The following FGD5 variants were observed in gnomAD, a reference collection of about 807,000 sequenced individuals.
FGD5 encodes the protein FYVE, RhoGEF and PH domain-containing protein 5.
FGD5 carries 28 observed loss-of-function variants against 133.4 expected under a neutral mutation model. The ratio of observed to expected loss-of-function variants is 0.21; its 90% confidence interval spans 0.16 to 0.29. The LOEUF (loss-of-function observed/expected upper bound fraction) is 0.29. FGD5 is among the 10% of genes least tolerant of loss of function. The pLI, the probability that FGD5 is intolerant of heterozygous loss-of-function variation, is 1.00. For missense variants in FGD5, 1,858 were observed against 1,895.2 expected (o/e 0.98, Z 0.36); for synonymous variants, 810 against 776.5 (o/e 1.04, Z -0.72).
At chr3:14,846,136 T>C (rs1689525) in intron 1 of FGD5, among the ~76,000 whole-genome samples, 100,564 of 152,112 alleles carry the variant, frequency 0.66, 33,555 homozygotes, top group African/African-American at 0.74. Context: ...GGGGCACACC[T>C]GTCGTGTTAA....
intron 9 of FGD5, among the ~76,000 whole-genome samples, chr3:14,905,233 AG>A (rs1392843587): frequency 2.0e-5 from 3 of 152,114 alleles, no homozygotes; most frequent in African/African-American, 7.2e-5. Flanking sequence ...TCTGGTGGAA[AG>A]TCTGCTGTGA....
intron 1 of FGD5, among the ~76,000 whole-genome samples, chr3:14,812,444 T>TG (rs1443312438): frequency 6.6e-6 from 1 of 152,254 alleles, no homozygotes; most frequent in African/African-American, 2.4e-5. Context: ...GCATGAGGCT[T>TG]GGGCAGACCC....
Position 14,869,976 on chromosome 3 carries a change from T to C in FGD5, c.2658+5716T>C, listed in dbSNP as rs1319083846. Reference sequence around the variant, plus strand: ...GCCCTGAAGTGGGATTGCTGTATTATATGGCGATTCTGTGTTTAGTTTTTT... The same window carrying C: ...GCCCTGAAGTGGGATTGCTGTATTACATGGCGATTCTGTGTTTAGTTTTTT... On this transcript the variant is annotated intron_variant, in intron 2 of 19. Transcript: ENST00000285046. Among the ~76,000 whole-genome samples, 3 of 152,384 alleles carry C rather than the reference T, an allele frequency of 2.0e-5. No homozygotes were observed. In the East Asian group the frequency reaches 5.8e-4, roughly 29 times the overall value.
chr3:14,919,371 C>A (rs1277951515), intron 13 of FGD5, among the ~76,000 whole-genome samples: 1 of 152,202 alleles, frequency 6.6e-6, no homozygotes, highest in African/African-American at 2.4e-5. Context: ...GTAATCCCAG[C>A]CCTTTGGGAG....
At chr3:14,821,799 A>C (rs2036509589) in intron 1 of FGD5, among the ~76,000 whole-genome samples, 1 of 152,108 alleles carries the variant, frequency 6.6e-6, no homozygotes, top group African/African-American at 2.4e-5. Flanking sequence ...CATGGTAGAG[A>C]GTTTAAGAAA....
chr3:14,821,375 C>T lies in FGD5; in HGVS notation c.2304C>T (p.Ser768=), dbSNP rs756502739. 18 of 1,613,888 alleles carry T rather than the reference C, an allele frequency of 1.1e-5. No homozygotes were observed. The highest frequency in any genetic ancestry group is 5.3e-5 in the African/African-American group (4 of 74,922). The stretch of plus-strand genomic sequence containing the variant: ...AGCCACGGTCCATCTCCTTCCCCAG[C>T]GCTGACACTTCAGACTATGAGAACA... ...LTKPRSISFP[S]ADTSDYENIP... Residue 768 remains serine (S), a synonymous_variant, in exon 1 of 20, where the codon AGC becomes AGT. Coordinates refer to ENST00000285046, the MANE Select transcript of FGD5 (RefSeq NM_152536.4).
intron 1 of FGD5, among the ~76,000 whole-genome samples, chr3:14,812,002 GT>G (rs1559463438): frequency 1.1e-4 from 7 of 65,348 alleles, no homozygotes; most frequent in African/African-American, 2.7e-4. Context: ...TATCCTGCTG[GT>G]GTGTGTGTGT....
At chr3:14,915,407 C>T (rs1169273955) in intron 11 of FGD5, among the ~76,000 whole-genome samples, 2 of 152,248 alleles carry the variant, frequency 1.3e-5, no homozygotes, top group East Asian at 1.9e-4. Flanking sequence ...TTATGTTTTC[C>T]TCCATGCCTG....
rs925309997 is a variant in FGD5 at position 14,897,683 on chromosome 3, G to A, written c.2909+14G>A. ...GCTGTCAAATTGGTGAGCAGTCCCT[G>A]GACCCCCGGGTTCCACTTTTGTTGC... On this transcript the variant is annotated intron_variant, in intron 5 of 19. Coordinates refer to ENST00000285046, the MANE Select transcript of FGD5 (RefSeq NM_152536.4). 7.5e-6 allele frequency: 12 copies of A among 1,589,444 alleles called. No homozygotes were observed. The Admixed American group carries it at 1.6e-4, about 22-fold the overall frequency.
At chr3:14,842,981 A>T (rs115479746) in intron 1 of FGD5, among the ~76,000 whole-genome samples, 1 of 152,206 alleles carries the variant, frequency 6.6e-6, no homozygotes, top group Non-Finnish European at 1.5e-5. Flanking sequence ...CTCACTGTTG[A>T]AATAGAAAAC....
At chr3:14,845,408 C>G (rs1227127568) in intron 1 of FGD5, among the ~76,000 whole-genome samples, 2 of 152,212 alleles carry the variant, frequency 1.3e-5, no homozygotes, top group Non-Finnish European at 2.9e-5. Flanking sequence ...CCAGATGCTT[C>G]AGTTCTCAAT....
In FGD5 at chr3:14,860,229, TGTC is replaced by T. The variant is rs1463343312; in HGVS notation, c.2526-3896_2526-3894del. 4.6e-5 allele frequency among the ~76,000 whole-genome samples: 7 copies of T among 152,330 alleles called. No homozygotes were observed. In the East Asian group the frequency reaches 7.7e-4, roughly 17 times the overall value. On this transcript the variant is annotated intron_variant, in intron 1 of 19. Coordinates refer to ENST00000285046, the MANE Select transcript of FGD5 (RefSeq NM_152536.4). ...GTGGCTGTGGCCCACAGGAATGTCT[TGTC>T]GTGGACCGTGGCCCAATGGCCCCAT... is the stretch of plus-strand genomic sequence containing the variant.
At chr3:14,853,495 A>G (rs2125095940) in intron 1 of FGD5, among the ~76,000 whole-genome samples, 1 of 145,432 alleles carries the variant, frequency 6.9e-6, no homozygotes, top group African/African-American at 2.6e-5. Flanking sequence ...GGTGAGCTTC[A>G]GAAAGGTCCC....
intron 9 of FGD5, among the ~76,000 whole-genome samples, chr3:14,903,214 A>G (rs890887171): frequency 6.6e-6 from 1 of 152,242 alleles, no homozygotes; most frequent in African/African-American, 2.4e-5. Context: ...AGCCGCTGGT[A>G]ACCATCATTC....
chr3:14,922,644 T>C lies in FGD5; in HGVS notation c.3807+96T>C, dbSNP rs1181641112. ...CGGGGGCTCAGGGATGTCCAGCAGC[T>C]ACTGTAAGCCCCAGAGTGAGGCATG... On this transcript the variant is annotated intron_variant, in intron 15 of 19. Coordinates refer to ENST00000285046, the MANE Select transcript of FGD5 (RefSeq NM_152536.4). This position sits in a 1 kb window ranked among gnomAD's most constrained non-coding sequence, Gnocchi z 4.1. 6.8e-7 allele frequency: 1 copy of C among 1,475,088 alleles called. No individual in the cohort carries two copies. The highest frequency in any genetic ancestry group is 2.5e-5 in the East Asian group (1 of 40,482). 91.4% of individuals were successfully genotyped at this position (1,475,088 alleles called of 1,614,324 possible).
rs1451136021 is a variant in FGD5, at chr3:14,922,602, G to A, written c.3807+54G>A. 3.1e-5 allele frequency: 48 copies of A among 1,532,346 alleles called. No homozygotes were observed. Among genetic ancestry groups the A allele is most frequent in the Non-Finnish European group, 4.2e-5 (48 of 1,141,054 alleles). The allele number at this position is 1,532,346 out of a possible 1,614,324, so 94.9% of individuals were successfully genotyped here. A position where few individuals can be genotyped will look rare whatever the true frequency, so the allele number is the denominator to read the frequency against. On this transcript the variant is annotated intron_variant, in intron 15 of 19. Coordinates refer to ENST00000285046, the MANE Select transcript of FGD5 (RefSeq NM_152536.4). This position sits in a 1 kb window ranked among gnomAD's most constrained non-coding sequence, Gnocchi z 4.1. ...TGCATGGGGGTGGGGTGGGGGAAGG[G>A]CATGTCCCTGCCCAGCCGGGGGCTC...
intron 4 of FGD5, among the ~76,000 whole-genome samples, chr3:14,895,557 G>T (rs2038119888): frequency 1.3e-5 from 2 of 152,086 alleles, no homozygotes; most frequent in Non-Finnish European, 2.9e-5. Flanking sequence ...AACAAGATCT[G>T]TTTTTTGTTT....
At position 14,821,035 on chromosome 3, in the gene FGD5, G is replaced by A. The variant is rs751569304; in HGVS notation, c.1964G>A (p.Arg655His). ...AAGAAGAAGAAGTCATCCTTTAAGC[G>A]CTTCCTGGCACTGACGTTTAAGAAG... ...KYKKKKSSFK[R>H]FLALTFKKKT... is the part of the protein sequence containing the mutation. The change falls in exon 1 of 20, where the codon CGC becomes CAC. Residue 655 changes from arginine to histidine, a missense_variant. Coordinates refer to ENST00000285046, the MANE Select transcript of FGD5 (RefSeq NM_152536.4). The A allele has an allele frequency of 1.2e-5, 19 of 1,613,820 alleles. No homozygotes were observed. The Admixed American group carries it at 2.8e-4, about 24-fold the overall frequency.
At position 14,907,789 on chromosome 3, in the gene FGD5, C is replaced by G. The variant is rs2038368220; in HGVS notation, c.3336+78C>G. 4.8e-6 allele frequency: 7 copies of G among 1,447,834 alleles called. No homozygotes were observed. The South Asian group carries it at 8.6e-5, about 18-fold the overall frequency. The allele number at this position is 1,447,834 out of a possible 1,614,324, so 89.7% of individuals were successfully genotyped here. The stretch of plus-strand genomic sequence containing the variant: ...TAAGCCCCATTGTTCACTGGGCTGG[C>G]CCCAGACAGGCCTGGCTGCAGGTGC... On this transcript the variant is annotated intron_variant, in intron 10 of 19. Transcript: ENST00000285046.
Sources: gnomAD v4.1 joint callset for allele counts (sites outside exome capture counted in the v4.1 genomes callset) on GRCh38, gnomAD v4.1.1 for gene constraint, Gnocchi (gnomAD v3.1) non-coding constraint, MANE v1.5 for transcripts, NCBI Gene and HGNC (gene_info 2026-07-23, HGNC 2026-07-21) for gene names.